The following LHFPL3 variants were observed in gnomAD, a reference collection of about 807,000 sequenced individuals.
LHFPL3 encodes LHFPL tetraspan subfamily member 3 protein.
LHFPL3 carries 5 observed loss-of-function variants against 19.3 expected under a neutral mutation model. The ratio of observed to expected loss-of-function variants is 0.26; its 90% CI spans 0.14 to 0.54. The LOEUF is 0.54. LHFPL3 is among the 20% of genes least tolerant of loss of function. The pLI, the probability that LHFPL3 is intolerant of heterozygous loss-of-function variation, is 0.94. For synonymous variants in LHFPL3, 133 were observed against 126.2 expected, an observed-to-expected ratio of 1.05 and a Z score of -0.36; for missense variants, 249 against 307.4, an observed-to-expected ratio of 0.81 and a Z score of 1.42.
chr7:104,524,906 G>C (rs1207506348), intron 1 of LHFPL3, among the ~76,000 whole-genome samples: 1 of 152,042 alleles, frequency 6.6e-6, no homozygotes, highest in Non-Finnish European at 1.5e-5. Flanking sequence ...TTTCTGGTTT[G>C]GCTTCTGCAT....
At chr7:104,822,877 GCT>G (rs1424834303) in intron 2 of LHFPL3, among the ~76,000 whole-genome samples, 4 of 152,242 alleles carry the variant, frequency 2.6e-5, no homozygotes, top group South Asian at 2.1e-4. Context: ...CCAAAAGATT[GCT>G]CTGTTTTCAC....
In LHFPL3 at chr7:104,674,015, C is replaced by CAAAA. The variant is rs752569077; in HGVS notation, c.446-62659_446-62658insAAAA. ...TGAAAAGAGACCAACTGGACATGTT[C>CAAAA]AGTTCTTTTTCCAAGACTTTTCCAG... On this transcript the variant is annotated intron_variant, in intron 1 of 2. Coordinates refer to ENST00000424859, the MANE Select transcript of LHFPL3 (RefSeq NM_199000.3). 6.4e-3 allele frequency among the ~76,000 whole-genome samples: 973 copies of CAAAA among 151,734 alleles called. 4 individuals are homozygous for CAAAA. The highest frequency in any genetic ancestry group is 0.01 in the Non-Finnish European group (682 of 67,986).
intron 1 of LHFPL3, among the ~76,000 whole-genome samples, chr7:104,715,674 G>C (rs183116830): frequency 6.6e-6 from 1 of 152,110 alleles, no homozygotes; most frequent in Non-Finnish European, 1.5e-5. Flanking sequence ...CCATTATTCT[G>C]TTATTGTGGC....
At chr7:104,633,159 G>T (rs951075219) in intron 1 of LHFPL3, among the ~76,000 whole-genome samples, 12 of 152,106 alleles carry the variant, frequency 7.9e-5, no homozygotes, top group Non-Finnish European at 1.2e-4. Context: ...CCTGGCTAAG[G>T]CTTCTATTTT....
intron 1 of LHFPL3, among the ~76,000 whole-genome samples, chr7:104,403,427 A>G (rs1003742421): frequency 1.3e-5 from 2 of 152,208 alleles, no homozygotes; most frequent in Non-Finnish European, 2.9e-5. Context: ...TCATCTCTGC[A>G]TCCTTGGCCC....
intron 2 of LHFPL3, among the ~76,000 whole-genome samples, chr7:104,758,019 G>A (rs186669382): frequency 1.3e-5 from 2 of 152,272 alleles, no homozygotes; most frequent in East Asian, 3.9e-4. Context: ...ATACTACACA[G>A]CCATAATAGA....
intron 2 of LHFPL3, chr7:104,752,915 C>A (rs186107479): frequency 6.5e-5 from 22 of 338,310 alleles, no homozygotes; most frequent in Middle Eastern, 1.6e-3. Flanking sequence ...CCATCAATAT[C>A]TTACATCAGT....
intron 2 of LHFPL3, among the ~76,000 whole-genome samples, chr7:104,756,240 G>T (rs1794283168): frequency 6.6e-6 from 1 of 152,126 alleles, no homozygotes; most frequent in Non-Finnish European, 1.5e-5. Context: ...TATTAAGCTT[G>T]TTCCTAATTT....
chr7:104,698,063 A>T (rs1793030179), intron 1 of LHFPL3, among the ~76,000 whole-genome samples: 1 of 152,184 alleles, frequency 6.6e-6, no homozygotes, highest in Non-Finnish European at 1.5e-5. Context: ...TAACTCTCTG[A>T]AATGCTAGAG....
At chr7:104,409,198 T>C (rs945801027) in intron 1 of LHFPL3, among the ~76,000 whole-genome samples, 5 of 152,038 alleles carry the variant, frequency 3.3e-5, no homozygotes, top group Non-Finnish European at 7.4e-5. Flanking sequence ...TTTCTAACCC[T>C]GTTGACAGGG....
At chr7:104,786,081 A>G (rs1432303205) in intron 2 of LHFPL3, among the ~76,000 whole-genome samples, 1 of 152,184 alleles carries the variant, frequency 6.6e-6, no homozygotes, top group Non-Finnish European at 1.5e-5. Flanking sequence ...TTCCCTTCCT[A>G]GAAGCAACTG....
intron 1 of LHFPL3, among the ~76,000 whole-genome samples, chr7:104,593,264 A>G (rs1790765705): frequency 1.3e-5 from 2 of 152,172 alleles, no homozygotes; most frequent in South Asian, 4.2e-4. Flanking sequence ...GTTTCAAAGA[A>G]CATCTTTATT....
At chr7:104,415,150 C>A (rs1444334898) in intron 1 of LHFPL3, among the ~76,000 whole-genome samples, 1 of 152,136 alleles carries the variant, frequency 6.6e-6, no homozygotes, top group Non-Finnish European at 1.5e-5. Flanking sequence ...GAAAACGATT[C>A]TTAATCCTAT....
chr7:104,585,470 AACACACACAAACACACAC>A (rs1790550593), intron 1 of LHFPL3, among the ~76,000 whole-genome samples: 2 of 35,638 alleles, frequency 5.6e-5, no homozygotes, highest in East Asian at 1.7e-3. Context: ...GGAATAAGGC[AACACACACAAACACACAC>A]ACACACACAC....
chr7:104,594,428 C>T (rs922296154), intron 1 of LHFPL3, among the ~76,000 whole-genome samples: 15 of 152,204 alleles, frequency 9.9e-5, no homozygotes, highest in African/African-American at 3.6e-4. Context: ...ATGGGCTTCC[C>T]TCTGTGGGTA....
chr7:104,507,435 T>C (rs1445448179), intron 1 of LHFPL3, among the ~76,000 whole-genome samples: 1 of 140,978 alleles, frequency 7.1e-6, no homozygotes, highest in East Asian at 2.1e-4. Context: ...ATCCCTTCCT[T>C]ACACCTTATA....
chr7:104,594,014 T>G (rs1790787331), intron 1 of LHFPL3, among the ~76,000 whole-genome samples: 1 of 152,202 alleles, frequency 6.6e-6, no homozygotes, highest in Non-Finnish European at 1.5e-5. Flanking sequence ...TATCTTTTAA[T>G]TGGGGCATTT....
At chr7:104,796,006 C>A (rs1394606163) in intron 2 of LHFPL3, among the ~76,000 whole-genome samples, 2 of 152,186 alleles carry the variant, frequency 1.3e-5, no homozygotes, top group African/African-American at 4.8e-5. Context: ...ACCCCAGTGC[C>A]GGGGCTTCTG....
intron 1 of LHFPL3, among the ~76,000 whole-genome samples, chr7:104,371,928 T>C (rs968283769): frequency 1.2e-4 from 18 of 152,382 alleles, no homozygotes; most frequent in African/African-American, 4.1e-4. Context: ...AGCAGAATTT[T>C]CTCGCTGCTA....
Sources: gnomAD v4.1 joint callset for allele counts (sites outside exome capture counted in the v4.1 genomes callset) on GRCh38, gnomAD v4.1.1 for gene constraint, MANE v1.5 for transcripts, NCBI Gene and HGNC (gene_info 2026-07-23, HGNC 2026-07-21) for gene names.